NXPH2: variants seen among roughly 807,000 people sequenced by gnomAD.
NXPH2 encodes the protein neurexophilin 2.
Under a neutral mutation model 19.8 loss-of-function variants are expected in NXPH2, and 5 were observed. The observed-to-expected ratio is 0.25, with a 90% CI of 0.13 to 0.53. The LOEUF is 0.53. Among genes scored for constraint, NXPH2 ranks in the 20% least tolerant of loss-of-function variants. The pLI is 0.96. For missense variants in NXPH2, 289 were observed against 322.8 expected (o/e 0.90, Z 0.80); for synonymous variants, 154 against 127.4 (o/e 1.21, Z -1.41).
At chr2:138,776,734 T>C (rs928165950) in intron 1 of NXPH2, among the ~76,000 whole-genome samples, 7 of 152,000 alleles carry the variant, frequency 4.6e-5, no homozygotes, top group Admixed American at 3.9e-4. Flanking sequence ...GTTGTCATTT[T>C]TGAATGGAAG....
chr2:138,709,889 C>T (rs1406886136), intron 1 of NXPH2, among the ~76,000 whole-genome samples: 1 of 152,184 alleles, frequency 6.6e-6, no homozygotes, highest in Non-Finnish European at 1.5e-5. Flanking sequence ...CCTGGATTTA[C>T]CACAATTTAT....
chr2:138,746,227 A>G (rs1242498246), intron 1 of NXPH2, among the ~76,000 whole-genome samples: 1 of 152,336 alleles, frequency 6.6e-6, no homozygotes, highest in East Asian at 1.9e-4. Flanking sequence ...CTGGGTACCT[A>G]TGGAGACTTC....
At chr2:138,708,415 G>A (rs995646321) in intron 1 of NXPH2, among the ~76,000 whole-genome samples, 1 of 152,162 alleles carries the variant, frequency 6.6e-6, no homozygotes, top group African/African-American at 2.4e-5. Flanking sequence ...TGTATTGATT[G>A]CCTAAATCTA....
intron 1 of NXPH2, among the ~76,000 whole-genome samples, chr2:138,752,698 G>C (rs1182286318): frequency 6.6e-6 from 1 of 152,038 alleles, no homozygotes; most frequent in African/African-American, 2.4e-5. Flanking sequence ...TCCCATCCAG[G>C]TACGCATTCC....
intron 1 of NXPH2, among the ~76,000 whole-genome samples, chr2:138,695,420 C>G (rs1256765125): frequency 6.6e-6 from 1 of 152,138 alleles, no homozygotes; most frequent in Non-Finnish European, 1.5e-5. Flanking sequence ...AAGGTCTACA[C>G]TAAACGAAGA....
intron 1 of NXPH2, among the ~76,000 whole-genome samples, chr2:138,720,984 G>A (rs1482809063): frequency 3.3e-5 from 5 of 152,230 alleles, no homozygotes; most frequent in African/African-American, 1.2e-4. Context: ...AAGAAAGTGT[G>A]TAAATGTGAA....
At chr2:138,714,444 A>G (rs1019068743) in intron 1 of NXPH2, among the ~76,000 whole-genome samples, 1 of 152,178 alleles carries the variant, frequency 6.6e-6, no homozygotes, top group Admixed American at 6.5e-5. Context: ...AAATGGGGTA[A>G]CTTTTCTCAT....
chr2:138,732,605 C>T (rs1315002716), intron 1 of NXPH2, among the ~76,000 whole-genome samples: 1 of 152,154 alleles, frequency 6.6e-6, no homozygotes, highest in Non-Finnish European at 1.5e-5. Flanking sequence ...TGGACCTGCT[C>T]TTCTCCTGAC....
intron 1 of NXPH2, among the ~76,000 whole-genome samples, chr2:138,732,971 C>A (rs904728083): frequency 7.2e-5 from 11 of 152,160 alleles, no homozygotes; most frequent in African/African-American, 2.7e-4. Flanking sequence ...GAATATATTT[C>A]CCTCATTTTC....
At chr2:138,741,176 C>T (rs1449038679) in intron 1 of NXPH2, among the ~76,000 whole-genome samples, 4 of 152,126 alleles carry the variant, frequency 2.6e-5, no homozygotes, top group South Asian at 2.1e-4. Context: ...TGATTCTCTA[C>T]GAATGCTGTT....
At chr2:138,722,868 G>T (rs1349816011) in intron 1 of NXPH2, among the ~76,000 whole-genome samples, 3 of 152,136 alleles carry the variant, frequency 2.0e-5, no homozygotes, top group Admixed American at 6.5e-5. Flanking sequence ...TTCCTTTGAG[G>T]TTCTTTGGCC....
At chr2:138,690,227 G>T (rs1471241877) in intron 1 of NXPH2, among the ~76,000 whole-genome samples, 1 of 151,984 alleles carries the variant, frequency 6.6e-6, no homozygotes, top group African/African-American at 2.4e-5. Flanking sequence ...TTTCACTCTT[G>T]AATTCATCAC....
intron 1 of NXPH2, among the ~76,000 whole-genome samples, chr2:138,713,729 C>A (rs112368134): frequency 1.4e-3 from 211 of 151,986 alleles, no homozygotes; most frequent in African/African-American, 4.9e-3. Flanking sequence ...AGTAGAACTG[C>A]GACAGGACAG....
intron 1 of NXPH2, among the ~76,000 whole-genome samples, chr2:138,691,894 C>T (rs986632342): frequency 1.3e-5 from 2 of 152,132 alleles, no homozygotes; most frequent in African/African-American, 2.4e-5. Context: ...GCCAACTAAG[C>T]CCTATCCAAA....
At chr2:138,723,621 G>A (rs1003995867) in intron 1 of NXPH2, among the ~76,000 whole-genome samples, 1 of 152,186 alleles carries the variant, frequency 6.6e-6, no homozygotes, top group African/African-American at 2.4e-5. Context: ...TTCATAAAAG[G>A]AAACTGACAT....
At chr2:138,728,931 C>T (rs1213085787) in intron 1 of NXPH2, among the ~76,000 whole-genome samples, 1 of 152,202 alleles carries the variant, frequency 6.6e-6, no homozygotes, top group Non-Finnish European at 1.5e-5. Context: ...CCTCCTGGTA[C>T]ACTATGGCCT....
chr2:138,687,829 G>C (rs947510854), intron 1 of NXPH2, among the ~76,000 whole-genome samples: 1 of 152,138 alleles, frequency 6.6e-6, no homozygotes, highest in Non-Finnish European at 1.5e-5. Flanking sequence ...TGTCAGGTTT[G>C]TCAAAGATCA....
rs150775966 is a variant in NXPH2, at chr2:138,759,849, C to T, written c.51+20342G>A. 5.7e-3 allele frequency among the ~76,000 whole-genome samples: 866 copies of T among 151,890 alleles called. 8 individuals are homozygous for T. Among genetic ancestry groups the T allele is most frequent in the Non-Finnish European group, 8.2e-3 (558 of 67,984 alleles). On this transcript the variant is annotated intron_variant, in intron 1 of 1. Coordinates refer to ENST00000272641, the MANE Select transcript of NXPH2 (RefSeq NM_007226.3). The stretch of plus-strand genomic sequence containing the variant: ...GGTTCACGCCATTCTCCTGCCTCAG[C>T]CTCCCGCTTAGCTGGGACTATAGGC...
At chr2:138,672,349 T>C (rs1387541244) in intron 1 of NXPH2, among the ~76,000 whole-genome samples, 1 of 152,214 alleles carries the variant, frequency 6.6e-6, no homozygotes, top group Non-Finnish European at 1.5e-5. Flanking sequence ...ATAAATTTTA[T>C]TACAACTGAA....
Sources: gnomAD v4.1 joint callset for allele counts (sites outside exome capture counted in the v4.1 genomes callset) on GRCh38, gnomAD v4.1.1 for gene constraint, MANE v1.5 for transcripts, NCBI Gene and HGNC (gene_info 2026-07-23, HGNC 2026-07-21) for gene names.